The following LOC128462377 variants were observed in gnomAD, a reference collection of about 807,000 sequenced individuals.
chr16:89,367,532 A>G, the LOC128462377 span, among the ~76,000 whole-genome samples: 3 of 152,184 alleles, frequency 2.0e-5, no homozygotes, highest in African/African-American at 4.8e-5. Context: ...AGGCCACGGC[A>G]CACACCAGTC....
chr16:89,407,317 A>G, the LOC128462377 span, among the ~76,000 whole-genome samples: 13 of 152,148 alleles, frequency 8.5e-5, no homozygotes, highest in Non-Finnish European at 1.3e-4. Flanking sequence ...AAAAGAAAAA[A>G]AAATTAAAAG....
the LOC128462377 span, among the ~76,000 whole-genome samples, chr16:89,375,198 A>C: frequency 1.3e-5 from 2 of 152,102 alleles, no homozygotes; most frequent in Non-Finnish European, 1.5e-5. Flanking sequence ...GGTGAGCTCA[A>C]GTGTGTCGGT....
the LOC128462377 span, among the ~76,000 whole-genome samples, chr16:89,317,239 C>T: frequency 2.0e-5 from 3 of 152,322 alleles, no homozygotes; most frequent in South Asian, 2.1e-4. Context: ...TCTCAGGATA[C>T]GCCTCCCATA....
At chr16:89,351,919 A>C in the LOC128462377 span, among the ~76,000 whole-genome samples, 2 of 152,120 alleles carry the variant, frequency 1.3e-5, no homozygotes, top group African/African-American at 4.8e-5. Flanking sequence ...AGCTGGTATT[A>C]TCTCTTTTTT....
the LOC128462377 span, among the ~76,000 whole-genome samples, chr16:89,355,559 G>A: frequency 2.8e-4 from 42 of 152,280 alleles, no homozygotes; most frequent in African/African-American, 9.9e-4. Context: ...TCTTCCAGCA[G>A]GGACGGCCCC....
the LOC128462377 span, among the ~76,000 whole-genome samples, chr16:89,325,755 G>A: frequency 6.6e-6 from 1 of 152,162 alleles, no homozygotes; most frequent in South Asian, 2.1e-4. Flanking sequence ...TCTTTCAGAA[G>A]GTGACAGAGA....
chr16:89,338,726 CAAAAAA>C, the LOC128462377 span, among the ~76,000 whole-genome samples: 2 of 43,812 alleles, frequency 4.6e-5, no homozygotes, highest in South Asian at 1.4e-3. Flanking sequence ...CACTCAGTCT[CAAAAAA>C]AAAAAAAAAA....
chr16:89,415,058 C>A, the LOC128462377 span, among the ~76,000 whole-genome samples: 4 of 151,890 alleles, frequency 2.6e-5, no homozygotes, highest in African/African-American at 9.7e-5. Flanking sequence ...GATCCTTCCT[C>A]CCCGCTCAGC....
At chr16:89,406,402 G>A in the LOC128462377 span, among the ~76,000 whole-genome samples, 7 of 152,310 alleles carry the variant, frequency 4.6e-5, no homozygotes, top group South Asian at 1.0e-3. Context: ...CAGCCGGCGC[G>A]CTCTGAGACT....
At chr16:89,351,882 C>A in the LOC128462377 span, among the ~76,000 whole-genome samples, 70 of 152,170 alleles carry the variant, frequency 4.6e-4, no homozygotes, top group Non-Finnish European at 7.8e-4. Context: ...TCTGGGTAAG[C>A]CTACGGTCTG....
At chr16:89,384,666 G>A in the LOC128462377 span, among the ~76,000 whole-genome samples, 22 of 152,130 alleles carry the variant, frequency 1.4e-4, no homozygotes, top group African/African-American at 5.3e-4. Flanking sequence ...AAGGAGCTGC[G>A]AAGACACAAA....
the LOC128462377 span, among the ~76,000 whole-genome samples, chr16:89,376,448 G>A: frequency 1.3e-5 from 2 of 152,106 alleles, no homozygotes; most frequent in East Asian, 1.9e-4. Context: ...TTTTGTTTTT[G>A]TTTTTTTGAG....
chr16:89,371,962 G>A, the LOC128462377 span, among the ~76,000 whole-genome samples: 1 of 152,180 alleles, frequency 6.6e-6, no homozygotes, highest in Non-Finnish European at 1.5e-5. Context: ...AAATCAGCTG[G>A]AAGAAAGAAC....
the LOC128462377 span, among the ~76,000 whole-genome samples, chr16:89,329,414 A>AAAAACAC: frequency 6.6e-6 from 1 of 152,240 alleles, no homozygotes; most frequent in Non-Finnish European, 1.5e-5. Flanking sequence ...AAAAGGGAGA[A>AAAAACAC]AAAACACAAG....
At chr16:89,350,358 T>C in the LOC128462377 span, among the ~76,000 whole-genome samples, 8 of 152,138 alleles carry the variant, frequency 5.3e-5, no homozygotes, top group Admixed American at 2.6e-4. Context: ...ATCTGATGCT[T>C]TGCATGCAAC....
chr16:89,386,698 C>T, the LOC128462377 span, among the ~76,000 whole-genome samples: 3 of 152,322 alleles, frequency 2.0e-5, no homozygotes, highest in South Asian at 2.1e-4. Flanking sequence ...AAAGCAGACA[C>T]GCTTATAAGC....
the LOC128462377 span, among the ~76,000 whole-genome samples, chr16:89,384,915 C>T: frequency 2.5e-4 from 12 of 48,324 alleles, no homozygotes; most frequent in South Asian, 1.6e-3. Flanking sequence ...TTTGAGACTA[C>T]GTTTCTGTCG....
the LOC128462377 span, among the ~76,000 whole-genome samples, chr16:89,344,270 T>C: frequency 3.3e-5 from 5 of 152,178 alleles, no homozygotes; most frequent in Admixed American, 6.5e-5. Context: ...GTTATTTTAT[T>C]TGGAGCCTCT....
At chr16:89,413,145 C>T in the LOC128462377 span, among the ~76,000 whole-genome samples, 1 of 152,204 alleles carries the variant, frequency 6.6e-6, no homozygotes, top group African/African-American at 2.4e-5. Context: ...AATGACACAG[C>T]ATCTTCTATA....
Sources: gnomAD v4.1 joint callset for allele counts (sites outside exome capture counted in the v4.1 genomes callset) on GRCh38, gnomAD v4.1.1 for gene constraint, MANE v1.5 for transcripts.